The following ROBO1 variants were observed in gnomAD, a reference collection of about 807,000 sequenced individuals.
The protein encoded by ROBO1 is roundabout homolog 1.
ROBO1 carries 149 observed loss-of-function variants against 195.9 expected under a neutral mutation model. The ratio of observed to expected loss-of-function variants is 0.76; its 90% CI spans 0.67 to 0.87. The LOEUF (loss-of-function observed/expected upper bound fraction) is 0.87. Ranked by LOEUF, ROBO1 falls within the 40% of genes least tolerant of loss-of-function variation. The pLI is 0.00. For synonymous variants in ROBO1, 816 were observed against 733.2 expected (o/e 1.11, Z -1.82); for missense variants, 1,933 against 2,068.3 (o/e 0.93, Z 1.27).
At chr3:79,079,397 AATG>A (rs1377215525) in intron 3 of ROBO1, among the ~76,000 whole-genome samples, 7 of 151,814 alleles carry the variant, frequency 4.6e-5, no homozygotes, top group Non-Finnish European at 3.0e-5. Context: ...TTTCTAAAGA[AATG>A]ATAATTGCAA....
chr3:79,395,038 G>A (rs976925819), intron 2 of ROBO1, among the ~76,000 whole-genome samples: 1 of 151,940 alleles, frequency 6.6e-6, no homozygotes, highest in Non-Finnish European at 1.5e-5. Flanking sequence ...AAAACAGTGA[G>A]ACCGGCCGGG....
At chr3:79,331,688 T>A (rs559235291) in intron 2 of ROBO1, among the ~76,000 whole-genome samples, 1 of 152,250 alleles carries the variant, frequency 6.6e-6, no homozygotes, top group African/African-American at 2.4e-5. Context: ...CGGAGGTAGA[T>A]TTTCCAGATG....
chr3:79,550,152 GAAGAAAGA>G (rs59892652), intron 2 of ROBO1, among the ~76,000 whole-genome samples: 2 of 91,114 alleles, frequency 2.2e-5, no homozygotes, highest in Admixed American at 1.1e-4. Context: ...AAAAAGAAAG[GAAGAAAGA>G]AAGAAAGGAA....
chr3:79,733,475 T>C (rs1372014656), intron 1 of ROBO1, among the ~76,000 whole-genome samples: 3 of 152,206 alleles, frequency 2.0e-5, no homozygotes, highest in Admixed American at 2.0e-4. Context: ...AATCTTTCAC[T>C]ATACTTATCT....
At chr3:78,799,206 C>G (rs1333281264) in intron 4 of ROBO1, among the ~76,000 whole-genome samples, 3 of 152,178 alleles carry the variant, frequency 2.0e-5, no homozygotes, top group Non-Finnish European at 2.9e-5. Context: ...TAAAACCAAT[C>G]AATTTTACTG....
intron 1 of ROBO1, among the ~76,000 whole-genome samples, chr3:79,680,517 C>G (rs1946913015): frequency 6.6e-6 from 1 of 151,922 alleles, no homozygotes; most frequent in Non-Finnish European, 1.5e-5. Context: ...GGTACATGAA[C>G]TAGAGAAGTG....
At chr3:78,982,481 A>G (rs1185882348) in intron 3 of ROBO1, among the ~76,000 whole-genome samples, 1 of 152,290 alleles carries the variant, frequency 6.6e-6, no homozygotes, top group East Asian at 1.9e-4. Context: ...ACACACATAC[A>G]TCCCACCAAA....
At chr3:78,609,517 C>T (rs1208388262) in intron 28 of ROBO1, among the ~76,000 whole-genome samples, 2 of 152,260 alleles carry the variant, frequency 1.3e-5, no homozygotes, top group East Asian at 1.9e-4. Flanking sequence ...TCCTTCTTTA[C>T]CAACATGAAT....
intron 2 of ROBO1, among the ~76,000 whole-genome samples, chr3:79,167,695 A>C (rs1378482701): frequency 2.0e-5 from 3 of 152,210 alleles, no homozygotes; most frequent in Non-Finnish European, 4.4e-5. Flanking sequence ...ATGACTAGTA[A>C]TCTTTCTGCT....
chr3:79,146,180 A>G (rs188164532), intron 2 of ROBO1, among the ~76,000 whole-genome samples: 2 of 152,058 alleles, frequency 1.3e-5, no homozygotes, highest in East Asian at 1.9e-4. Context: ...TACAAAGGCA[A>G]TTACGTCACA....
At chr3:79,662,827 C>T (rs1184004392) in intron 1 of ROBO1, among the ~76,000 whole-genome samples, 1 of 151,926 alleles carries the variant, frequency 6.6e-6, no homozygotes, top group Non-Finnish European at 1.5e-5. Flanking sequence ...AGAAACGAGT[C>T]TTTATAAGAC....
chr3:79,207,421 C>T (rs1225829001), intron 2 of ROBO1, among the ~76,000 whole-genome samples: 4 of 152,084 alleles, frequency 2.6e-5, no homozygotes, highest in African/African-American at 9.7e-5. Flanking sequence ...CAATATTCTA[C>T]CATCACCAAA....
At chr3:79,756,737 C>T (rs1704426989) in intron 1 of ROBO1, among the ~76,000 whole-genome samples, 2 of 152,154 alleles carry the variant, frequency 1.3e-5, no homozygotes, top group African/African-American at 4.8e-5. Flanking sequence ...GTGCAATCAT[C>T]ACCACAATCC....
chr3:79,491,786 T>G (rs1939470104), intron 2 of ROBO1, among the ~76,000 whole-genome samples: 1 of 151,924 alleles, frequency 6.6e-6, no homozygotes, highest in African/African-American at 2.4e-5. Flanking sequence ...ATCTGACTTT[T>G]TTTTTTTTTT....
intron 4 of ROBO1, among the ~76,000 whole-genome samples, chr3:78,786,369 G>A (rs1300445303): frequency 1.3e-5 from 2 of 152,090 alleles, no homozygotes; most frequent in Non-Finnish European, 2.9e-5. Flanking sequence ...AATATTTCTT[G>A]ACACTCTTTT....
rs1014477386 is a variant in ROBO1 at position 79,125,610 on chromosome 3, A to G, written c.89-71T>C. On this transcript the variant is annotated intron_variant, in intron 2 of 30. Coordinates refer to ENST00000464233, the MANE Select transcript of ROBO1 (RefSeq NM_002941.4). Reference sequence around the variant, plus strand: ...CAGTAGTTGCCATTTCGATCACAGCATGTCCAGACACAAGTAAATCCACAT... The same window carrying G: ...CAGTAGTTGCCATTTCGATCACAGCGTGTCCAGACACAAGTAAATCCACAT... 5 of 1,103,398 alleles carry G rather than the reference A, an allele frequency of 4.5e-6. No individual in the cohort carries two copies. The South Asian group carries it at 6.5e-5, about 14-fold the overall frequency. 68.4% of individuals were successfully genotyped at this position (1,103,398 alleles called of 1,614,324 possible).
chr3:79,094,779 T>C (rs1426168543), intron 3 of ROBO1, among the ~76,000 whole-genome samples: 3 of 152,000 alleles, frequency 2.0e-5, no homozygotes, highest in Admixed American at 2.0e-4. Context: ...ACTTGGGAAA[T>C]ATGATGACAT....
At chr3:79,125,581 G>C (rs377435757) in intron 2 of ROBO1, 42 bp from the exon 3 acceptor site, 606 of 1,473,870 alleles carry the variant, frequency 4.1e-4, no homozygotes, top group Non-Finnish European at 5.4e-4. Context: ...GGTCACAGTA[G>C]TAACAGTAGT....
chr3:78,904,099 A>G, intron 4 of ROBO1, among the ~76,000 whole-genome samples: 1 of 151,906 alleles, frequency 6.6e-6, no homozygotes, highest in East Asian at 1.9e-4. Flanking sequence ...GATAACTATG[A>G]CTATTATTAG....
Sources: allele counts gnomAD v4.1 joint callset (sites outside exome capture counted in the v4.1 genomes callset), GRCh38; gene constraint gnomAD v4.1.1; transcripts MANE v1.5; gene names NCBI Gene and HGNC (gene_info 2026-07-23, HGNC 2026-07-21).